Variants in TFRC observed in about 807,000 individuals in gnomAD.
TFRC encodes the protein transferrin receptor.
TFRC carries 35 observed loss-of-function variants against 85.8 expected under a neutral mutation model. That is an observed-to-expected ratio of 0.41 (90% CI 0.31 to 0.54). The LOEUF (loss-of-function observed/expected upper bound fraction) is 0.54. Among genes scored for constraint, TFRC ranks in the 20% least tolerant of loss-of-function variants. The pLI is 0.31. For synonymous variants in TFRC, 362 were observed against 328.6 expected (o/e 1.10, Z -1.10); for missense variants, 828 against 921.5 (o/e 0.90, Z 1.31).
chr3:196,068,511 T>C (rs1717916373), intron 7 of TFRC, among the ~76,000 whole-genome samples: 1 of 144,732 alleles, frequency 6.9e-6, no homozygotes, highest in East Asian at 2.0e-4. Flanking sequence ...TTTGGGAAGC[T>C]GAGGCAGGAG....
chr3:196,064,526 T>C (rs1023465944), intron 10 of TFRC, 98 bp from the exon 11 acceptor site: 3 of 1,135,816 alleles, frequency 2.6e-6, no homozygotes, highest in South Asian at 2.2e-5. Flanking sequence ...GCACAGTATA[T>C]GTATTAAGGA....
At chr3:196,070,306 T>C (rs1167223962) in intron 6 of TFRC, among the ~76,000 whole-genome samples, 3 of 151,272 alleles carry the variant, frequency 2.0e-5, no homozygotes, top group African/African-American at 2.4e-5. Flanking sequence ...CTTTTGTTGC[T>C]CAGGCTGGAG....
At chr3:196,058,715 A>T in intron 14 of TFRC, 83 bp from the exon 15 acceptor site, 1 of 877,794 alleles carries the variant, frequency 1.1e-6, no homozygotes, top group Non-Finnish European at 1.7e-6. Flanking sequence ...ACTCTATAAC[A>T]ATTTTTAAAT....
At chr3:196,081,456 C>T (rs1230583906) in intron 1 of TFRC, among the ~76,000 whole-genome samples, 1 of 152,210 alleles carries the variant, frequency 6.6e-6, no homozygotes, top group Non-Finnish European at 1.5e-5. Flanking sequence ...GCAGTGAGAA[C>T]GGGGCCCGCC....
At chr3:196,054,941 A>G in intron 17 of TFRC, 139 bp downstream of exon 17, 4 of 850,214 alleles carry the variant, frequency 4.7e-6, no homozygotes, top group Non-Finnish European at 7.5e-6. Flanking sequence ...TACCAATTCT[A>G]CATACAATTA....
Position 196,068,174 on chromosome 3 carries a change from T to A in TFRC, c.802-44A>T, listed in dbSNP as rs193229399. 3.4e-6 allele frequency: 5 copies of A among 1,459,832 alleles called. No individual in the cohort carries two copies. In the African/African-American group the frequency reaches 7.0e-5, roughly 21 times the overall value. The allele number at this position is 1,459,832 out of a possible 1,614,324, so 90.4% of individuals were successfully genotyped here. Reference sequence around the variant, plus strand: ...AGCTCAGAAAATGAAGATCTGATCATACGAAATGAGAATACATCCTGGACA... The same window carrying A: ...AGCTCAGAAAATGAAGATCTGATCAAACGAAATGAGAATACATCCTGGACA... On this transcript the variant is annotated intron_variant, in intron 7 of 18. Transcript: ENST00000360110.
chr3:196,076,430 C>T (rs1435824065), intron 2 of TFRC, among the ~76,000 whole-genome samples: 2 of 150,688 alleles, frequency 1.3e-5, no homozygotes, highest in African/African-American at 4.9e-5. Flanking sequence ...AGCCACCACA[C>T]TTGGCCTCAT....
Position 196,049,684 on chromosome 3 carries a change from T to C in TFRC, c.*2258A>G. 4.4e-6 allele frequency: 1 copy of C among 229,842 alleles called. No individual in the cohort carries two copies. The highest frequency in any genetic ancestry group is 6.2e-5 in the East Asian group (1 of 16,124). The allele number at this position is 229,842 out of a possible 1,614,324, so 14.2% of individuals were successfully genotyped here. ...CATGCCCTGTATTCATATTGTGTTA[T>C]ACGATGAACATGCCACATGCTTTCA... On this transcript the variant is annotated 3_prime_UTR_variant, in exon 19 of 19. Coordinates refer to ENST00000360110, the MANE Select transcript of TFRC (RefSeq NM_001128148.3).
chr3:196,065,559 G>C lies in TFRC; in HGVS notation c.1082C>G (p.Ser361Cys), dbSNP rs1214874003. 1.2e-6 allele frequency: 2 copies of C among 1,612,212 alleles called. No individual in the cohort carries two copies. Among genetic ancestry groups the C allele is most frequent in the Non-Finnish European group, 1.7e-6 (2 of 1,179,644 alleles). Residue 361 changes from serine to cysteine, a missense_variant, in exon 10 of 19, where the codon TCT (serine) becomes TGT (cysteine). Transcript: ENST00000360110. Reference protein sequence around the residue: ...GDCPSDWKTDSTCRMVTSESK... With the variant: ...GDCPSDWKTDCTCRMVTSESK... ...TTCTGAGGTTACCATCCTACATGTA[G>C]AGTCTGTTTTCCAGTCAGAGGGACA...
At chr3:196,080,504 G>A (rs946412647) in intron 1 of TFRC, among the ~76,000 whole-genome samples, 4 of 152,374 alleles carry the variant, frequency 2.6e-5, no homozygotes, top group Middle Eastern at 3.4e-3. Flanking sequence ...CTCCCAAAGT[G>A]CTGGGATTAC....
chr3:196,073,615 TACA>T (rs1361391896), intron 4 of TFRC, among the ~76,000 whole-genome samples: 1 of 152,160 alleles, frequency 6.6e-6, no homozygotes, highest in Non-Finnish European at 1.5e-5. Flanking sequence ...CAGAGCTTAG[TACA>T]ACGTTACAAG....
chr3:196,076,812 G>A (rs369673039), intron 2 of TFRC, among the ~76,000 whole-genome samples: 3 of 151,992 alleles, frequency 2.0e-5, no homozygotes, highest in African/African-American at 4.8e-5. Context: ...GCTTTAATTC[G>A]TCTTATCTAC....
chr3:196,058,471 G>C, intron 15 of TFRC, 103 bp downstream of exon 15: 1 of 1,462,158 alleles, frequency 6.8e-7, no homozygotes, highest in South Asian at 1.2e-5. Flanking sequence ...ATATCTTTAG[G>C]TGTAAGTAAG....
Position 196,049,673 on chromosome 3 carries a change from A to C in TFRC, c.*2269T>G. 8.7e-6 allele frequency: 2 copies of C among 229,204 alleles called. No homozygotes were observed. Among genetic ancestry groups the C allele is most frequent in the Non-Finnish European group, 1.7e-5 (2 of 115,496 alleles). The allele number at this position is 229,204 out of a possible 1,614,324, so 14.2% of individuals were successfully genotyped here. On this transcript the variant is annotated 3_prime_UTR_variant, in exon 19 of 19. Coordinates refer to ENST00000360110, the MANE Select transcript of TFRC (RefSeq NM_001128148.3). ...GCTGCAAAATGCATGCCCTGTATTCATATTGTGTTATACGATGAACATGCC... is the reference window on the plus strand; with the variant it reads ...GCTGCAAAATGCATGCCCTGTATTCCTATTGTGTTATACGATGAACATGCC...
Position 196,051,765 on chromosome 3 carries a change from G to C in TFRC, c.*177C>G. On this transcript the variant is annotated 3_prime_UTR_variant, in exon 19 of 19. Coordinates refer to ENST00000360110, the MANE Select transcript of TFRC (RefSeq NM_001128148.3). ...AAGTGGTTATTCACTTTAACTTGAAGTACAGGTTATCTACCCTGTATTAAA... is the reference window on the plus strand; with the variant it reads ...AAGTGGTTATTCACTTTAACTTGAACTACAGGTTATCTACCCTGTATTAAA... 1 of 632,806 alleles carries C rather than the reference G, an allele frequency of 1.6e-6. No individual in the cohort carries two copies. Among genetic ancestry groups the C allele is most frequent in the Non-Finnish European group, 2.6e-6 (1 of 378,926 alleles). The allele number at this position is 632,806 out of a possible 1,614,324, so 39.2% of individuals were successfully genotyped here. A position where few individuals can be genotyped will look rare whatever the true frequency, so the allele number is the denominator to read the frequency against.
chr3:196,061,928 C>T (rs549542890), intron 13 of TFRC, among the ~76,000 whole-genome samples: 2 of 152,262 alleles, frequency 1.3e-5, no homozygotes, highest in East Asian at 1.9e-4. Context: ...TCTAGACAAG[C>T]AATTGTGCTC....
chr3:196,067,435 T>C (rs111588707), intron 9 of TFRC, 83 bp downstream of exon 9: 1 of 1,407,712 alleles, frequency 7.1e-7, no homozygotes, highest in African/African-American at 1.4e-5. Flanking sequence ...TATCATCATG[T>C]TTAACATTTT....
rs570 is a variant in TFRC, at chr3:196,049,369, C to T, written c.*2573G>A. 0.08 allele frequency: 16,021 copies of T among 199,140 alleles called. 833 individuals are homozygous for T. Among genetic ancestry groups the T allele is most frequent in the East Asian group, 0.19 (2,449 of 12,800 alleles). 12.3% of individuals were successfully genotyped at this position (199,140 alleles called of 1,614,324 possible). A position where few individuals can be genotyped will look rare whatever the true frequency, so the allele number is the denominator to read the frequency against. On this transcript the variant is annotated 3_prime_UTR_variant, in exon 19 of 19. Transcript: ENST00000360110. ...CTTTTATACAATGATAAGGACATAT[C>T]ATTTGTTTACAAAGAAAGTCTAAAA...
Position 196,051,870 on chromosome 3 carries a change from A to G in TFRC, c.*72T>C, listed in dbSNP as rs952698412. ...ATCAGGTTTTGTAGCCCTACTGAAAATTTAGCACGATCAGCACAAGTCTAG... is the reference window on the plus strand; with the variant it reads ...ATCAGGTTTTGTAGCCCTACTGAAAGTTTAGCACGATCAGCACAAGTCTAG... On this transcript the variant is annotated 3_prime_UTR_variant, in exon 19 of 19. Coordinates refer to ENST00000360110, the MANE Select transcript of TFRC (RefSeq NM_001128148.3). 6.5e-7 allele frequency: 1 copy of G among 1,546,714 alleles called. No individual in the cohort carries two copies. The highest frequency in any genetic ancestry group is 8.7e-7 in the Non-Finnish European group (1 of 1,145,854).
Sources: allele counts gnomAD v4.1 joint callset (sites outside exome capture counted in the v4.1 genomes callset), GRCh38; gene constraint gnomAD v4.1.1; transcripts MANE v1.5; gene names NCBI Gene and HGNC (gene_info 2026-07-23, HGNC 2026-07-21).